ADGRL3: variants seen among roughly 807,000 people sequenced by gnomAD.
ADGRL3 encodes the protein calcium-independent alpha-latrotoxin receptor 3.
Under a neutral mutation model 153.5 loss-of-function variants are expected in ADGRL3, and 62 were observed. That is an observed-to-expected ratio of 0.40 (90% CI 0.33 to 0.50). The LOEUF (loss-of-function observed/expected upper bound fraction) is 0.50, where lower values mean the gene tolerates loss of function less well. Among genes scored for constraint, ADGRL3 ranks in the 20% least tolerant of loss-of-function variants. The probability of loss-of-function intolerance (pLI) is 0.47; values close to 1 mark genes in which losing one functional copy is unlikely to be tolerated. For synonymous variants in ADGRL3, 710 were observed against 672.5 expected (o/e 1.06, Z -0.86); for missense variants, 1,641 against 1,859.4 (o/e 0.88, Z 2.16).
intron 8 of ADGRL3, among the ~76,000 whole-genome samples, chr4:61,738,441 G>A (rs1213382440): frequency 1.3e-5 from 2 of 152,144 alleles, no homozygotes; most frequent in Non-Finnish European, 1.5e-5. Context: ...CTATCCAGTA[G>A]TGGGATTGCA....
intron 6 of ADGRL3, among the ~76,000 whole-genome samples, chr4:61,717,459 A>C (rs575990370): frequency 6.6e-6 from 1 of 152,204 alleles, no homozygotes. Context: ...TTGTCTTATA[A>C]ATTCCTAGCT....
At chr4:61,607,742 C>T (rs1167350688) in intron 5 of ADGRL3, among the ~76,000 whole-genome samples, 1 of 152,168 alleles carries the variant, frequency 6.6e-6, no homozygotes, top group African/African-American at 2.4e-5. Context: ...TTGCAGAATT[C>T]AGACCTCTGC....
chr4:61,438,802 G>C (rs868159148), intron 2 of ADGRL3, among the ~76,000 whole-genome samples: 1 of 151,366 alleles, frequency 6.6e-6, no homozygotes, highest in Non-Finnish European at 1.5e-5. Context: ...CCGCCTCCCG[G>C]GTTCACACCA....
chr4:61,834,617 G>A (rs906195003), intron 9 of ADGRL3, among the ~76,000 whole-genome samples: 5 of 152,098 alleles, frequency 3.3e-5, no homozygotes, highest in Admixed American at 3.3e-4. Context: ...GCCATCAAGG[G>A]CTTTGGCTTC....
chr4:61,727,719 C>A (rs1002110831), intron 6 of ADGRL3, among the ~76,000 whole-genome samples: 22 of 152,078 alleles, frequency 1.4e-4, no homozygotes, highest in African/African-American at 5.3e-4. Flanking sequence ...GTTAGAGATA[C>A]AAATTGCTTA....
intron 1 of ADGRL3, among the ~76,000 whole-genome samples, chr4:61,371,077 T>A (rs545503440): frequency 6.6e-6 from 1 of 150,422 alleles, no homozygotes; most frequent in Non-Finnish European, 1.5e-5. Context: ...GTTTTCCATT[T>A]GCTTGGTAGA....
At chr4:61,809,795 A>G (rs1163112577) in intron 8 of ADGRL3, among the ~76,000 whole-genome samples, 3 of 152,038 alleles carry the variant, frequency 2.0e-5, no homozygotes, top group African/African-American at 7.2e-5. Flanking sequence ...TTAATGAACA[A>G]AAGAATGAAC....
intron 2 of ADGRL3, among the ~76,000 whole-genome samples, chr4:61,426,281 T>G (rs940166154): frequency 1.9e-4 from 29 of 152,188 alleles, no homozygotes; most frequent in African/African-American, 7.0e-4. Context: ...GGTGTCTCCT[T>G]CTTGGTGATC....
In ADGRL3 at chr4:61,504,017, G is replaced by A. The variant is rs181577032; in HGVS notation, c.55+6669G>A. On this transcript the variant is annotated intron_variant, in intron 3 of 26. Coordinates refer to ENST00000683033, the MANE Select transcript of ADGRL3 (RefSeq NM_001387552.1). ...TCTCCAACCCCCTTTTTGTAAGACA[G>A]GGTTTCACTCTGTCACCCAGGCTGT... Among the ~76,000 whole-genome samples, 27 of 152,124 alleles carry A rather than the reference G, an allele frequency of 1.8e-4. 2 individuals are homozygous for A. Among genetic ancestry groups the A allele is most frequent in the Admixed American group, 1.6e-3 (24 of 15,270 alleles).
chr4:61,861,189 T>C (rs2149279423), intron 9 of ADGRL3, among the ~76,000 whole-genome samples: 1 of 152,282 alleles, frequency 6.6e-6, no homozygotes, highest in East Asian at 1.9e-4. Context: ...ATCATGATTG[T>C]TAAAAGCAAG....
chr4:61,495,751 T>C (rs1184683444), intron 2 of ADGRL3, among the ~76,000 whole-genome samples: 1 of 152,162 alleles, frequency 6.6e-6, no homozygotes, highest in Non-Finnish European at 1.5e-5. Context: ...ATTTGACACC[T>C]CTAGGCAAGA....
chr4:61,573,576 T>A (rs1469080722), intron 4 of ADGRL3, among the ~76,000 whole-genome samples: 1 of 151,984 alleles, frequency 6.6e-6, no homozygotes, highest in African/African-American at 2.4e-5. Context: ...TCTAAGTTGA[T>A]ATTCATGTAA....
intron 1 of ADGRL3, among the ~76,000 whole-genome samples, chr4:61,254,693 G>A (rs2091789782): frequency 6.6e-6 from 1 of 152,126 alleles, no homozygotes; most frequent in Admixed American, 6.6e-5. Context: ...AAGATCCTCA[G>A]TAGTTGTTAC....
At chr4:61,234,892 G>A (rs61111743) in intron 1 of ADGRL3, among the ~76,000 whole-genome samples, 3,617 of 152,206 alleles carry the variant, frequency 0.024, 143 homozygotes, top group African/African-American at 0.08. Context: ...ATAGACAGCT[G>A]TGAAGTTTGG....
intron 9 of ADGRL3, among the ~76,000 whole-genome samples, chr4:61,858,230 T>C (rs918209788): frequency 2.6e-5 from 4 of 152,208 alleles, no homozygotes; most frequent in Admixed American, 2.6e-4. Flanking sequence ...CTTTGCAGGC[T>C]ATGTATGGCC....
At chr4:61,421,239 C>T (rs955336790) in intron 2 of ADGRL3, among the ~76,000 whole-genome samples, 2 of 152,040 alleles carry the variant, frequency 1.3e-5, no homozygotes, top group African/African-American at 4.8e-5. Context: ...GAGGCTGAGG[C>T]AGGAGAATGG....
chr4:61,428,867 CT>C (rs1393732348), intron 2 of ADGRL3, among the ~76,000 whole-genome samples: 1 of 120,220 alleles, frequency 8.3e-6, no homozygotes, highest in Non-Finnish European at 1.9e-5. Context: ...ATCTATCTAT[CT>C]ATCTATATCA....
chr4:62,032,575 G>GAAAT (rs1456870244), intron 23 of ADGRL3, among the ~76,000 whole-genome samples: 3 of 151,466 alleles, frequency 2.0e-5, no homozygotes, highest in Non-Finnish European at 4.4e-5. Context: ...CTCTGAAAAT[G>GAAAT]AAATAGAAAA....
intron 1 of ADGRL3, among the ~76,000 whole-genome samples, chr4:61,297,809 C>T (rs1040148018): frequency 6.6e-6 from 1 of 151,886 alleles, no homozygotes; most frequent in African/African-American, 2.4e-5. Context: ...TTACCACCGC[C>T]ACCGTCACTA....
Sources: gnomAD v4.1 joint callset for allele counts (sites outside exome capture counted in the v4.1 genomes callset) on GRCh38, gnomAD v4.1.1 for gene constraint, MANE v1.5 for transcripts, NCBI Gene and HGNC (gene_info 2026-07-23, HGNC 2026-07-21) for gene names.